The following RAB6A variants were observed in gnomAD, a reference collection of about 807,000 sequenced individuals.
The protein encoded by RAB6A is ras-related protein Rab-6A.
In RAB6A, 8 loss-of-function variants were observed where a neutral mutation model predicts 32.3. The observed-to-expected ratio is 0.25, with a 90% CI of 0.15 to 0.45. The LOEUF (loss-of-function observed/expected upper bound fraction) is 0.45, where lower values mean the gene tolerates loss of function less well. RAB6A is among the 20% of genes least tolerant of loss of function. The probability of loss-of-function intolerance (pLI) is 1.00; values close to 1 mark genes in which losing one functional copy is unlikely to be tolerated. For synonymous variants in RAB6A, 73 were observed against 82.1 expected (o/e 0.89, Z 0.60); for missense variants, 104 against 249.4 (o/e 0.42, Z 3.93).
At chr11:73,755,814 G>C (rs1792166) in intron 1 of RAB6A, among the ~76,000 whole-genome samples, 2 of 147,124 alleles carry the variant, frequency 1.4e-5, no homozygotes, top group African/African-American at 5.1e-5. Flanking sequence ...AGGTGGAAAG[G>C]GGGAAGGAAG....
At chr11:73,684,764 G>C (rs529892372) in intron 6 of RAB6A, among the ~76,000 whole-genome samples, 66 of 151,304 alleles carry the variant, frequency 4.4e-4, no homozygotes, top group Non-Finnish European at 8.7e-4. Context: ...ACAGGGAAGA[G>C]TTTCCTGAAC....
chr11:73,715,644 C>T (rs564459767), intron 5 of RAB6A, among the ~76,000 whole-genome samples: 3 of 152,298 alleles, frequency 2.0e-5, no homozygotes, highest in African/African-American at 7.2e-5. Context: ...TGCAGTAAAT[C>T]GCTTAAGAAT....
intron 6 of RAB6A, among the ~76,000 whole-genome samples, chr11:73,700,165 T>A (rs1590839538): frequency 6.6e-6 from 1 of 152,220 alleles, no homozygotes; most frequent in South Asian, 2.1e-4. Flanking sequence ...CACCACACAC[T>A]TATTGCTTCA....
chr11:73,692,788 C>CAAAAAAAA (rs140762210), intron 6 of RAB6A, among the ~76,000 whole-genome samples: 11 of 98,204 alleles, frequency 1.1e-4, no homozygotes, highest in Non-Finnish European at 1.5e-4. Context: ...ACTAAAAATA[C>CAAAAAAAA]AAAAAAAAAA....
chr11:73,680,127 A>C (rs889932465), intron 6 of RAB6A, among the ~76,000 whole-genome samples: 17 of 152,078 alleles, frequency 1.1e-4, no homozygotes, highest in East Asian at 3.9e-4. Flanking sequence ...ATAATAAAAT[A>C]AAATGTCTAT....
At chr11:73,708,745 C>T (rs1945891858) in intron 5 of RAB6A, among the ~76,000 whole-genome samples, 1 of 152,170 alleles carries the variant, frequency 6.6e-6, no homozygotes, top group African/African-American at 2.4e-5. Flanking sequence ...CTGCTTCCTA[C>T]AACACAGAAA....
intron 1 of RAB6A, among the ~76,000 whole-genome samples, chr11:73,739,328 CTAAAAAG>C (rs1946458981): frequency 1.5e-5 from 1 of 67,590 alleles, no homozygotes. Flanking sequence ...CCAAAGATAA[CTAAAAAG>C]TAAACTAAAA....
At chr11:73,735,592 T>C (rs1946381174) in intron 1 of RAB6A, among the ~76,000 whole-genome samples, 1 of 152,158 alleles carries the variant, frequency 6.6e-6, no homozygotes, top group African/African-American at 2.4e-5. Flanking sequence ...AGACTTTAGC[T>C]AGAAGAAAAA....
At chr11:73,752,578 A>C (rs1290226641) in intron 1 of RAB6A, among the ~76,000 whole-genome samples, 2 of 152,228 alleles carry the variant, frequency 1.3e-5, no homozygotes, top group Non-Finnish European at 2.9e-5. Context: ...GCACTCTGGG[A>C]GACCGAGGCC....
At chr11:73,695,390 T>TC (rs1565350364) in intron 6 of RAB6A, among the ~76,000 whole-genome samples, 1 of 151,746 alleles carries the variant, frequency 6.6e-6, no homozygotes. Flanking sequence ...TTTTTTTTTT[T>TC]CTTTTTTGAG....
At chr11:73,759,993 A>T in intron 1 of RAB6A, 1 of 1,277,628 alleles carries the variant, frequency 7.8e-7, no homozygotes. Flanking sequence ...GGCCCAGACT[A>T]ATTTCCCACC....
Position 73,761,036 on chromosome 11 carries a change from C to T in RAB6A, c.-401G>A, listed in dbSNP as rs966471867. On this transcript the variant is annotated 5_prime_UTR_variant, in exon 1 of 8. Transcript: ENST00000336083. ...CCTCTCACGCGCAGCGCCTGAGCTT[C>T]CACAGCTGCCGCCGCCGCCGCAGCC... The T allele has an allele frequency of 1.2e-5, 2 of 166,218 alleles. No individual in the cohort carries two copies. Among genetic ancestry groups the T allele is most frequent in the African/African-American group, 4.8e-5 (2 of 41,764 alleles). 10.3% of individuals were successfully genotyped at this position (166,218 alleles called of 1,614,324 possible). A position where few individuals can be genotyped will look rare whatever the true frequency, so the allele number is the denominator to read the frequency against.
chr11:73,725,428 C>T (rs1946201601), intron 2 of RAB6A, among the ~76,000 whole-genome samples: 4 of 152,132 alleles, frequency 2.6e-5, no homozygotes, highest in Admixed American at 2.6e-4. Context: ...TGTTTTGGCG[C>T]TGCCGATAAA....
chr11:73,743,483 C>T (rs1701030635), intron 1 of RAB6A, among the ~76,000 whole-genome samples: 1 of 151,940 alleles, frequency 6.6e-6, no homozygotes, highest in Non-Finnish European at 1.5e-5. Context: ...AGTTTGAAGC[C>T]AGGTGTGGTG....
intron 5 of RAB6A, among the ~76,000 whole-genome samples, chr11:73,715,901 T>A (rs1287555802): frequency 2.0e-5 from 3 of 152,196 alleles, no homozygotes; most frequent in Non-Finnish European, 4.4e-5. Context: ...TTAATCATTA[T>A]GAACAATTTT....
At chr11:73,694,816 C>A (rs768133476) in intron 6 of RAB6A, among the ~76,000 whole-genome samples, 1 of 152,176 alleles carries the variant, frequency 6.6e-6, no homozygotes, top group Non-Finnish European at 1.5e-5. Context: ...GAGTTTGAGA[C>A]CAGCCTGGCC....
intron 3 of RAB6A, among the ~76,000 whole-genome samples, chr11:73,719,331 C>G (rs193163847): frequency 7.9e-5 from 12 of 152,374 alleles, no homozygotes; most frequent in African/African-American, 2.9e-4. Context: ...AAGCTTCTCT[C>G]AAGCTAAAAT....
At chr11:73,685,159 G>A (rs1410134089) in intron 6 of RAB6A, among the ~76,000 whole-genome samples, 7 of 152,102 alleles carry the variant, frequency 4.6e-5, no homozygotes, top group African/African-American at 1.7e-4. Flanking sequence ...TGTAATCTTC[G>A]TTCCTCTGTT....
chr11:73,709,477 G>T (rs1043622628), intron 5 of RAB6A, among the ~76,000 whole-genome samples: 14 of 69,026 alleles, frequency 2.0e-4, no homozygotes, highest in East Asian at 1.4e-3. Context: ...TTATTATTAT[G>T]ACTCGTGGAT....
Sources: gnomAD v4.1 joint callset for allele counts (sites outside exome capture counted in the v4.1 genomes callset) on GRCh38, gnomAD v4.1.1 for gene constraint, MANE v1.5 for transcripts, NCBI Gene and HGNC (gene_info 2026-07-23, HGNC 2026-07-21) for gene names.